The following RTL9 variants were observed in gnomAD, a reference collection of about 807,000 sequenced individuals.
The protein encoded by RTL9 is retrotransposon Gag-like protein 9.
A neutral mutation model predicts 44.7 loss-of-function variants in RTL9; 19 were observed. That is an observed-to-expected ratio of 0.42 (90% CI 0.30 to 0.62). RTL9 has a LOEUF of 0.62. Ranked by LOEUF, RTL9 falls within the 20% of genes least tolerant of loss-of-function variation. The probability of loss-of-function intolerance (pLI) is 0.16; values close to 1 mark genes in which losing one functional copy is unlikely to be tolerated. For missense variants in RTL9, 1,105 were observed against 1,080.6 expected (o/e 1.02, Z -0.32); for synonymous variants, 407 against 398.9 (o/e 1.02, Z -0.24).
chrX:110,437,444 G>A (rs1390369007), intron 1 of RTL9, among the ~76,000 whole-genome samples: 1 of 112,078 alleles, frequency 8.9e-6, no homozygotes, highest in Non-Finnish European at 1.9e-5. Flanking sequence ...ATGAGGTTTA[G>A]ATAGGTTATA....
intron 1 of RTL9, among the ~76,000 whole-genome samples, chrX:110,430,460 G>A (rs2068788343): frequency 8.9e-6 from 1 of 112,262 alleles, no homozygotes; most frequent in Non-Finnish European, 1.9e-5. Flanking sequence ...CAGACAGGCT[G>A]AATAACTTGG....
At chrX:110,443,130 A>G (rs1345426276) in intron 1 of RTL9, among the ~76,000 whole-genome samples, 1 of 112,057 alleles carries the variant, frequency 8.9e-6, no homozygotes, top group Non-Finnish European at 1.9e-5. Flanking sequence ...TAAAACATTC[A>G]AAGAACATGC....
At chrX:110,451,932 A>G (rs1363793489) in exon 1 of RTL9, 3 of 1,209,316 alleles carry the variant, frequency 2.5e-6, no homozygotes, top group South Asian at 1.8e-5. Flanking sequence ...AGCCATGACC[A>G]CCTCACTGAT....
chrX:110,394,506 G>A (rs2148290009), intron 1 of RTL9, among the ~76,000 whole-genome samples: 1 of 112,633 alleles, frequency 8.9e-6, no homozygotes, highest in East Asian at 2.8e-4. Flanking sequence ...TGATATTTTT[G>A]TGACCAGAAA....
At chrX:110,363,813 A>G (rs1207613320) in intron 1 of RTL9, among the ~76,000 whole-genome samples, 1 of 111,559 alleles carries the variant, frequency 9.0e-6, no homozygotes, top group East Asian at 2.8e-4. Flanking sequence ...AAGTGCCTAC[A>G]GAGTCAAACA....
At chrX:110,381,270 T>C (rs925646601) in intron 1 of RTL9, among the ~76,000 whole-genome samples, 5 of 111,715 alleles carry the variant, frequency 4.5e-5, no homozygotes, top group African/African-American at 1.6e-4. Flanking sequence ...GCAAAGGACA[T>C]GAACAGACGC....
chrX:110,445,800 C>T (rs770408626), upstream of RTL9, among the ~76,000 whole-genome samples: 41 of 111,962 alleles, frequency 3.7e-4, no homozygotes, highest in South Asian at 1.1e-3. Flanking sequence ...ACCTCCTAGC[C>T]GTATTGATCA....
intron 1 of RTL9, among the ~76,000 whole-genome samples, chrX:110,401,818 C>T (rs192792637): frequency 8.9e-6 from 1 of 112,341 alleles, no homozygotes; most frequent in Non-Finnish European, 1.9e-5. Flanking sequence ...ATCTCCTAGA[C>T]GTGTTGTGAG....
At chrX:110,405,091 C>A (rs1452462100) in intron 1 of RTL9, among the ~76,000 whole-genome samples, 2 of 81,339 alleles carry the variant, frequency 2.5e-5, no homozygotes, top group African/African-American at 1.4e-4. Context: ...TGTTGTGTCC[C>A]CCCCCCCCCC....
Position 110,389,108 on chromosome X carries a change from A to G in RTL9, c.-168+30192A>G, listed in dbSNP as rs1225660861. ...AGGATCCATAGAGAAAGATGTTGGA[A>G]CATTTTGAATTAAAGAAAATTGAAC... On this transcript the variant is annotated intron_variant, in intron 1 of 2. Transcript: ENST00000520821. Among the ~76,000 whole-genome samples, 66 of 112,822 alleles carry G rather than the reference A, an allele frequency of 5.8e-4. 1 individual carries two copies. In the Admixed American group the frequency reaches 6.1e-3, roughly 10 times the overall value.
At chrX:110,427,068 T>C (rs1333755076) in intron 1 of RTL9, among the ~76,000 whole-genome samples, 1 of 112,173 alleles carries the variant, frequency 8.9e-6, no homozygotes, top group African/African-American at 3.2e-5. Context: ...GCCAAGTATA[T>C]TTCCTAAGCA....
At chrX:110,453,968 A>G in exon 1 of RTL9, 1 of 1,212,026 alleles carries the variant, frequency 8.3e-7, no homozygotes, top group Admixed American at 2.2e-5. Context: ...CCTCTGGATC[A>G]AAGCCCACAT....
chrX:110,362,323 A>C (rs1164583239), intron 1 of RTL9, among the ~76,000 whole-genome samples: 1 of 111,978 alleles, frequency 8.9e-6, no homozygotes, highest in East Asian at 2.8e-4. Context: ...CCAATGTGTG[A>C]AATTTCATCT....
intron 1 of RTL9, among the ~76,000 whole-genome samples, chrX:110,443,555 CTT>C (rs1364467405): frequency 8.9e-6 from 1 of 112,277 alleles, no homozygotes; most frequent in Non-Finnish European, 1.9e-5. Flanking sequence ...AATTTAAAGT[CTT>C]TTGGAAATGG....
upstream of RTL9, among the ~76,000 whole-genome samples, chrX:110,417,334 C>T (rs1407240915): frequency 8.9e-6 from 1 of 112,133 alleles, no homozygotes; most frequent in Admixed American, 9.4e-5. Flanking sequence ...GTTTTCAATT[C>T]AATTCAACAA....
intron 1 of RTL9, among the ~76,000 whole-genome samples, chrX:110,402,200 T>C (rs1207886002): frequency 1.8e-5 from 2 of 112,954 alleles, no homozygotes; most frequent in East Asian, 2.8e-4. Context: ...CTATCTTAGA[T>C]CAAGAAGACA....
chrX:110,414,469 C>T (rs185907476), upstream of RTL9, among the ~76,000 whole-genome samples: 4,341 of 112,516 alleles, frequency 0.039, 216 homozygotes, highest in African/African-American at 0.13. Flanking sequence ...AGGTACCAGC[C>T]ACTGTGCCAG....
intron 1 of RTL9, among the ~76,000 whole-genome samples, chrX:110,443,992 G>A (rs1026111756): frequency 8.9e-6 from 1 of 112,115 alleles, no homozygotes; most frequent in African/African-American, 3.2e-5. Flanking sequence ...CTCCTTCTAG[G>A]TTGTTGCAGA....
intron 1 of RTL9, among the ~76,000 whole-genome samples, chrX:110,381,772 A>G (rs150456719): frequency 1.8e-3 from 201 of 111,316 alleles, no homozygotes; most frequent in African/African-American, 6.3e-3. Flanking sequence ...CTTTATGGGA[A>G]CATGGATGCA....
Sources: allele counts gnomAD v4.1 joint callset (sites outside exome capture counted in the v4.1 genomes callset), GRCh38; gene constraint gnomAD v4.1.1; transcripts MANE v1.5; gene names NCBI Gene and HGNC (gene_info 2026-07-23, HGNC 2026-07-21).